The following USP8 variants were observed in gnomAD, a reference collection of about 807,000 sequenced individuals.
The protein encoded by USP8 is ubiquitin specific peptidase 8.
A neutral mutation model predicts 130.0 loss-of-function variants in USP8; 27 were observed. The ratio of observed to expected loss-of-function variants is 0.21; its 90% confidence interval spans 0.15 to 0.29. USP8 has a LOEUF of 0.29. Among genes scored for constraint, USP8 ranks in the 10% least tolerant of loss-of-function variants. The probability of loss-of-function intolerance (pLI) is 1.00; values close to 1 mark genes in which losing one functional copy is unlikely to be tolerated. For missense variants in USP8, 1,029 were observed against 1,312.2 expected (o/e 0.78, Z 3.33); for synonymous variants, 392 against 444.1 (o/e 0.88, Z 1.48).
rs71424071 is a variant in USP8 at position 50,485,550 on chromosome 15, A to ATTTTTTTTTTTTTTTTTTTTTTT, written c.1890+1200_1890+1222dup. Among the ~76,000 whole-genome samples the ATTTTTTTTTTTTTTTTTTTTTTT allele has an allele frequency of 5.7e-4, 16 of 27,944 alleles. 2 individuals are homozygous for ATTTTTTTTTTTTTTTTTTTTTTT. The highest frequency in any genetic ancestry group is 1.6e-3 in the Admixed American group (2 of 1,246). The allele number at this position is 27,944 out of a possible 152,430, so 18.3% of individuals were successfully genotyped here. On this transcript the variant is annotated intron_variant, in intron 12 of 19. Coordinates refer to ENST00000307179, the MANE Select transcript of USP8 (RefSeq NM_005154.5). ...CCCATTTTTAGCATGCAGTTTAGTG[A>ATTTTTTTTTTTTTTTTTTTTTTT]TTTTTTTTTTTTTTTTTTTTTTTTT... is the stretch of plus-strand genomic sequence containing the variant.
At chr15:50,430,953 G>A (rs905212112) in intron 1 of USP8, among the ~76,000 whole-genome samples, 5 of 152,136 alleles carry the variant, frequency 3.3e-5, no homozygotes, top group African/African-American at 4.8e-5. Flanking sequence ...GTAAACTGGC[G>A]TCTAGTAGAG....
intron 1 of USP8, among the ~76,000 whole-genome samples, chr15:50,428,856 G>A (rs779268103): frequency 2.0e-5 from 3 of 152,004 alleles, no homozygotes; most frequent in Non-Finnish European, 4.4e-5. Context: ...TTTGACATAC[G>A]TGAATCTCTG....
At chr15:50,428,765 A>G (rs2049828686) in intron 1 of USP8, among the ~76,000 whole-genome samples, 1 of 152,236 alleles carries the variant, frequency 6.6e-6, no homozygotes, top group South Asian at 2.1e-4. Context: ...TAGCAACCTC[A>G]GCATGAGGTT....
intron 3 of USP8, among the ~76,000 whole-genome samples, chr15:50,442,398 C>T (rs2050289224): frequency 6.6e-6 from 1 of 152,050 alleles, no homozygotes; most frequent in Admixed American, 6.6e-5. Flanking sequence ...AAATTGATGA[C>T]TAGGATAAGT....
chr15:50,463,054 CCTAG>C (rs552931338), intron 6 of USP8, among the ~76,000 whole-genome samples: 24 of 152,134 alleles, frequency 1.6e-4, no homozygotes, highest in Admixed American at 1.5e-3. Context: ...TCAAGACCAG[CCTAG>C]GTAACATGGT....
At position 50,481,550 on chromosome 15, in the gene USP8, C is replaced by T. The variant is rs1346962267; in HGVS notation, c.1288C>T (p.His430Tyr). 1.2e-6 allele frequency: 2 copies of T among 1,611,950 alleles called. No homozygotes were observed. Among genetic ancestry groups the T allele is most frequent in the Non-Finnish European group, 1.7e-6 (2 of 1,179,538 alleles). Residue 430 changes from histidine (H) to tyrosine (Y), a missense_variant, in exon 11 of 20, where the codon CAT (histidine) becomes TAT (tyrosine). Transcript: ENST00000307179. The stretch of plus-strand genomic sequence containing the variant: ...TAGAATAAAATCTGAAAGTACAAAC[C>T]ATGAGCAACAATCTCCTCAGAGTGG... ...EHRIKSESTNHEQQSPQSGKV... is the reference protein window; with the variant it reads ...EHRIKSESTNYEQQSPQSGKV...
intron 1 of USP8, among the ~76,000 whole-genome samples, chr15:50,429,521 CA>C (rs2049859859): frequency 6.8e-6 from 1 of 146,700 alleles, no homozygotes; most frequent in Admixed American, 7.3e-5. Flanking sequence ...TGTTAGAATT[CA>C]TTTGGGAAGC....
intron 5 of USP8, among the ~76,000 whole-genome samples, chr15:50,460,774 C>T (rs759693768): frequency 6.6e-6 from 1 of 152,162 alleles, no homozygotes; most frequent in Non-Finnish European, 1.5e-5. Context: ...AAGTTGAAAT[C>T]CATGGGAAAA....
Position 50,504,997 on chromosome 15 carries a change from A to AAG in USP8, c.*5909_*5910insAG, listed in dbSNP as rs71124362. ...ACTCCATCTCAAAAAAAAAAAAAAA[A>AAG]GAATAAACTATAAAATGAAGTTGGG... On this transcript the variant is annotated 3_prime_UTR_variant, in exon 20 of 20. Coordinates refer to ENST00000307179, the MANE Select transcript of USP8 (RefSeq NM_005154.5). 6.7e-6 allele frequency: 1 copy of AAG among 148,702 alleles called. No individual in the cohort carries two copies. The highest frequency in any genetic ancestry group is 2.5e-5 in the African/African-American group (1 of 40,300). 9.2% of individuals were successfully genotyped at this position (148,702 alleles called of 1,614,324 possible).
chr15:50,440,040 G>A (rs939835657), intron 2 of USP8, among the ~76,000 whole-genome samples: 5 of 152,094 alleles, frequency 3.3e-5, no homozygotes, highest in African/African-American at 9.6e-5. Context: ...AGATTGCACC[G>A]TTGCACTCCA....
chr15:50,508,495 T>A lies in USP8; in HGVS notation c.*9407T>A, dbSNP rs2052693789. On this transcript the variant is annotated 3_prime_UTR_variant, in exon 20 of 20. Transcript: ENST00000307179. ...GGCAGAGAAAGTGGGAGATAGACAT[T>A]TGTAGTTTTAAATACTTATATCTTA... The A allele has an allele frequency of 6.6e-6, 1 of 152,204 alleles. No individual in the cohort carries two copies. The highest frequency in any genetic ancestry group is 1.5e-5 in the Non-Finnish European group (1 of 68,040). The allele number at this position is 152,204 out of a possible 1,614,324, so 9.4% of individuals were successfully genotyped here.
At chr15:50,445,545 CAAAAAAAAAAAAA>C (rs747368769) in intron 3 of USP8, among the ~76,000 whole-genome samples, 3 of 10,016 alleles carry the variant, frequency 3.0e-4, no homozygotes, top group Non-Finnish European at 6.0e-4. Context: ...GAGTCTGTCT[CAAAAAAAAAAAAA>C]AAAAAAAAAA....
At chr15:50,481,267 G>A (rs2051757367) in intron 10 of USP8, among the ~76,000 whole-genome samples, 1 of 152,170 alleles carries the variant, frequency 6.6e-6, no homozygotes, top group Non-Finnish European at 1.5e-5. Flanking sequence ...TGAAAGTGTT[G>A]AATCAAGAGG....
intron 3 of USP8, among the ~76,000 whole-genome samples, chr15:50,443,447 T>C (rs2050323489): frequency 6.6e-6 from 1 of 152,136 alleles, no homozygotes; most frequent in Non-Finnish European, 1.5e-5. Flanking sequence ...TTCTTCTCAT[T>C]AGCAAAGTTA....
At chr15:50,478,579 A>C (rs1332030061) in intron 10 of USP8, among the ~76,000 whole-genome samples, 1 of 152,210 alleles carries the variant, frequency 6.6e-6, no homozygotes, top group East Asian at 1.9e-4. Context: ...TTGCAGACTA[A>C]ATAGATGTGA....
At chr15:50,449,171 A>G (rs1040349414) in intron 3 of USP8, among the ~76,000 whole-genome samples, 2 of 152,218 alleles carry the variant, frequency 1.3e-5, no homozygotes, top group African/African-American at 4.8e-5. Context: ...AATAAGTCAA[A>G]TTTATGAACT....
chr15:50,465,514 A>C (rs186721843), intron 7 of USP8, among the ~76,000 whole-genome samples: 27 of 152,256 alleles, frequency 1.8e-4, no homozygotes, highest in Non-Finnish European at 7.4e-5. Context: ...GGTTGAAGTT[A>C]CGGATTTGCC....
chr15:50,425,152 G>T (rs997879284), intron 1 of USP8, among the ~76,000 whole-genome samples: 8 of 152,250 alleles, frequency 5.3e-5, no homozygotes, highest in African/African-American at 1.9e-4. Flanking sequence ...CTTGCCTCCA[G>T]TTCATTCTGT....
chr15:50,433,319 A>G (rs2049987640), intron 1 of USP8, among the ~76,000 whole-genome samples: 1 of 152,224 alleles, frequency 6.6e-6, no homozygotes, highest in Non-Finnish European at 1.5e-5. Context: ...ATGAGATTTA[A>G]GACAGCGAGA....
Sources: gnomAD v4.1 joint callset for allele counts (sites outside exome capture counted in the v4.1 genomes callset) on GRCh38, gnomAD v4.1.1 for gene constraint, MANE v1.5 for transcripts, NCBI Gene and HGNC (gene_info 2026-07-23, HGNC 2026-07-21) for gene names.